Variants in CLEC1A observed in about 807,000 individuals in gnomAD.
The protein encoded by CLEC1A is C-type lectin domain family 1 member A.
A neutral mutation model predicts 28.7 loss-of-function variants in CLEC1A; 34 were observed. The ratio of observed to expected loss-of-function variants is 1.18; its 90% CI spans 0.90 to 1.57. The LOEUF (loss-of-function observed/expected upper bound fraction) is 1.57. Among genes scored for constraint, CLEC1A ranks in the 40% most tolerant of loss-of-function variants. The probability of loss-of-function intolerance (pLI) is 0.00; values close to 1 mark genes in which losing one functional copy is unlikely to be tolerated. For missense variants in CLEC1A, 385 were observed against 339.5 expected (o/e 1.13, Z -1.05); for synonymous variants, 116 against 121.0 (o/e 0.96, Z 0.27).
chr12:10,079,811 T>C (rs1235398082), intron 3 of CLEC1A, among the ~76,000 whole-genome samples: 5 of 146,064 alleles, frequency 3.4e-5, no homozygotes, highest in African/African-American at 1.3e-4. Context: ...AGAGCGAGAC[T>C]CTGTCTTAAA....
chr12:10,095,540 C>CA (rs977738330), intron 1 of CLEC1A, among the ~76,000 whole-genome samples: 5 of 151,766 alleles, frequency 3.3e-5, no homozygotes, highest in African/African-American at 9.7e-5. Flanking sequence ...ATTTTATCTT[C>CA]AAAAAAAAAG....
chr12:10,098,351 T>C (rs1035757774), intron 1 of CLEC1A, among the ~76,000 whole-genome samples: 4 of 152,236 alleles, frequency 2.6e-5, no homozygotes, highest in African/African-American at 9.6e-5. Flanking sequence ...CAAGTTAATA[T>C]GAATTAATAT....
chr12:10,093,607 T>C (rs1947737473), intron 1 of CLEC1A, among the ~76,000 whole-genome samples: 1 of 151,938 alleles, frequency 6.6e-6, no homozygotes, highest in Non-Finnish European at 1.5e-5. Flanking sequence ...AGTATACCTA[T>C]GAAATGCAAA....
At chr12:10,090,567 T>A (rs548382255) in intron 1 of CLEC1A, among the ~76,000 whole-genome samples, 1 of 152,184 alleles carries the variant, frequency 6.6e-6, no homozygotes, top group East Asian at 1.9e-4. Flanking sequence ...CCCGGCCAAT[T>A]CTAGGTAGAG....
At chr12:10,078,784 T>C (rs1321177044) in intron 3 of CLEC1A, among the ~76,000 whole-genome samples, 1 of 152,182 alleles carries the variant, frequency 6.6e-6, no homozygotes, top group Non-Finnish European at 1.5e-5. Flanking sequence ...TGGGGCCTAA[T>C]GGGAAGTGTC....
At chr12:10,090,693 G>A (rs1866601545) in intron 1 of CLEC1A, among the ~76,000 whole-genome samples, 1 of 152,020 alleles carries the variant, frequency 6.6e-6, no homozygotes, top group African/African-American at 2.4e-5. Context: ...ATAAGTTAAA[G>A]TCTCGGAGAA....
At chr12:10,076,956 T>C (rs1448666481) in intron 3 of CLEC1A, among the ~76,000 whole-genome samples, 1 of 152,222 alleles carries the variant, frequency 6.6e-6, no homozygotes, top group African/African-American at 2.4e-5. Context: ...AGTGTATTAA[T>C]ACCTCATTCC....
At chr12:10,083,345 C>A (rs534742957) in intron 2 of CLEC1A, among the ~76,000 whole-genome samples, 111 of 152,302 alleles carry the variant, frequency 7.3e-4, no homozygotes, top group South Asian at 7.3e-3. Context: ...AGCTCCCCAG[C>A]AATGGATTCA....
chr12:10,075,540 G>C lies in CLEC1A; in HGVS notation c.507C>G (p.Asn169Lys). Reference sequence around the variant, plus strand: ...GTTTGTTTATCTTCAGCATGGTAGAGTTTTCACTAAGGCAGAAATATTTAC... The same window carrying C: ...GTTTGTTTATCTTCAGCATGGTAGACTTTTCACTAAGGCAGAAATATTTAC... The part of the protein sequence containing the change: ...EDCKYFCLSE[N>K]STMLKINKQE... The change falls in exon 4 of 6, where the codon AAC (asparagine) becomes AAG (lysine). Residue 169 changes from asparagine to lysine, a missense_variant. Transcript: ENST00000315330. 6.2e-7 allele frequency: 1 copy of C among 1,613,948 alleles called. No homozygotes were observed. The highest frequency in any genetic ancestry group is 1.3e-5 in the African/African-American group (1 of 75,024).
At chr12:10,078,411 CTTA>C in intron 3 of CLEC1A, among the ~76,000 whole-genome samples, 1 of 152,220 alleles carries the variant, frequency 6.6e-6, no homozygotes, top group Middle Eastern at 3.4e-3. Flanking sequence ...TAACTTAAAG[CTTA>C]TTATTTCTCT....
Position 10,071,291 on chromosome 12 carries a change from A to T in CLEC1A, c.*42T>A. ...TGTCTCAACTAGCCCTTGCTTTGGCACCGCCTGGCTCACTCTGCTATTTGT... is the reference window on the plus strand; with the variant it reads ...TGTCTCAACTAGCCCTTGCTTTGGCTCCGCCTGGCTCACTCTGCTATTTGT... On this transcript the variant is annotated 3_prime_UTR_variant, in exon 6 of 6. Coordinates refer to ENST00000315330, the MANE Select transcript of CLEC1A (RefSeq NM_016511.4). 6.3e-7 allele frequency: 1 copy of T among 1,580,526 alleles called. No homozygotes were observed. Among genetic ancestry groups the T allele is most frequent in the South Asian group, 1.2e-5 (1 of 86,112 alleles).
intron 1 of CLEC1A, among the ~76,000 whole-genome samples, chr12:10,090,306 C>T (rs1408160109): frequency 6.6e-6 from 1 of 152,180 alleles, no homozygotes; most frequent in Non-Finnish European, 1.5e-5. Context: ...GGCTGGAGTG[C>T]AGTGGCGAGA....
At position 10,098,932 on chromosome 12, in the gene CLEC1A, T is replaced by C; in HGVS notation, c.-10A>G. The C allele has an allele frequency of 6.3e-7, 1 of 1,598,504 alleles. No individual in the cohort carries two copies. The highest frequency in any genetic ancestry group is 8.6e-7 in the Non-Finnish European group (1 of 1,168,718). ...TGTACTTGGCCTGCATCTGGATTCC[T>C]ACAGCGGTGAGAGTGAAATGTGGTC... is the stretch of plus-strand genomic sequence containing the variant. On this transcript the variant is annotated 5_prime_UTR_variant, in exon 1 of 6. Coordinates refer to ENST00000315330, the MANE Select transcript of CLEC1A (RefSeq NM_016511.4).
chr12:10,083,493 G>A (rs979103269), intron 2 of CLEC1A, among the ~76,000 whole-genome samples: 1 of 152,176 alleles, frequency 6.6e-6, no homozygotes, highest in South Asian at 2.1e-4. Context: ...TTTTGAGACA[G>A]AATCTCACTC....
intron 1 of CLEC1A, among the ~76,000 whole-genome samples, chr12:10,089,851 A>G (rs1299915850): frequency 6.6e-6 from 1 of 152,224 alleles, no homozygotes; most frequent in Non-Finnish European, 1.5e-5. Context: ...ATAAAGAAAC[A>G]TGATAATCAA....
intron 3 of CLEC1A, among the ~76,000 whole-genome samples, chr12:10,079,620 G>C (rs1418285324): frequency 6.6e-6 from 1 of 151,842 alleles, no homozygotes; most frequent in Non-Finnish European, 1.5e-5. Context: ...CAGAGTTCAA[G>C]ACCAGCCTGG....
intron 5 of CLEC1A, 92 bp from the exon 6 acceptor site, chr12:10,071,605 G>C: frequency 9.5e-7 from 1 of 1,053,114 alleles, no homozygotes; most frequent in Non-Finnish European, 1.3e-6. Flanking sequence ...TAAAATTATA[G>C]TCTAGATACC....
At chr12:10,091,959 C>T (rs181227908) in intron 1 of CLEC1A, among the ~76,000 whole-genome samples, 118 of 152,150 alleles carry the variant, frequency 7.8e-4, no homozygotes, top group South Asian at 6.4e-3. Flanking sequence ...CAACCCAATT[C>T]CTAGGGCAGT....
At chr12:10,076,651 G>A (rs928973554) in intron 3 of CLEC1A, among the ~76,000 whole-genome samples, 6 of 152,086 alleles carry the variant, frequency 3.9e-5, no homozygotes, top group East Asian at 1.9e-4. Context: ...AGCCTCAGAC[G>A]TTCTAAAACA....
Sources: allele counts gnomAD v4.1 joint callset (sites outside exome capture counted in the v4.1 genomes callset), GRCh38; gene constraint gnomAD v4.1.1; transcripts MANE v1.5; gene names NCBI Gene and HGNC (gene_info 2026-07-23, HGNC 2026-07-21).